The following DNAJC3 variants were observed in gnomAD, a reference collection of about 807,000 sequenced individuals.
DNAJC3 encodes DnaJ heat shock protein family (Hsp40) member C3.
DNAJC3 carries 38 observed loss-of-function variants against 68.6 expected under a neutral mutation model. The observed-to-expected ratio is 0.55, with a 90% CI of 0.43 to 0.73. The LOEUF (loss-of-function observed/expected upper bound fraction) is 0.73. Among genes scored for constraint, DNAJC3 ranks in the 30% least tolerant of loss-of-function variants. The pLI is 0.00. For missense variants in DNAJC3, 526 were observed against 591.9 expected, an observed-to-expected ratio of 0.89 and a Z score of 1.16; for synonymous variants, 203 against 204.0, an observed-to-expected ratio of 1.00 and a Z score of 0.04.
intron 1 of DNAJC3, among the ~76,000 whole-genome samples, chr13:95,678,869 C>T (rs368624263): frequency 6.6e-6 from 1 of 152,022 alleles, no homozygotes; most frequent in East Asian, 1.9e-4. Context: ...ATAAGAAAAC[C>T]ACATTTGAGA....
At chr13:95,711,501 A>AT (rs1404703201) in intron 2 of DNAJC3, among the ~76,000 whole-genome samples, 1 of 142,932 alleles carries the variant, frequency 7.0e-6, no homozygotes, top group Non-Finnish European at 1.5e-5. Context: ...CCATCTCAAA[A>AT]TTAAAAAAAC....
chr13:95,779,838 T>C (rs1012801423), intron 9 of DNAJC3, among the ~76,000 whole-genome samples: 43 of 152,336 alleles, frequency 2.8e-4, no homozygotes, highest in African/African-American at 9.6e-4. Context: ...GCTTTGGCTA[T>C]GTTTTTCTGA....
chr13:95,713,058 G>C (rs1258488426), intron 2 of DNAJC3, among the ~76,000 whole-genome samples: 1 of 152,026 alleles, frequency 6.6e-6, no homozygotes, highest in African/African-American at 2.4e-5. Flanking sequence ...TGTGTCTGCT[G>C]CCCCTTCTGC....
chr13:95,691,623 C>T (rs1466170531), intron 1 of DNAJC3, among the ~76,000 whole-genome samples: 3 of 152,264 alleles, frequency 2.0e-5, no homozygotes, highest in Admixed American at 6.5e-5. Context: ...GGCGGCCAGG[C>T]GGAGACGCTC....
intron 9 of DNAJC3, among the ~76,000 whole-genome samples, chr13:95,779,307 G>A (rs1487460907): frequency 6.6e-6 from 1 of 151,598 alleles, no homozygotes; most frequent in African/African-American, 2.4e-5. Flanking sequence ...CTATTTTTTA[G>A]TAGAGACGGG....
intron 1 of DNAJC3, among the ~76,000 whole-genome samples, chr13:95,681,368 C>T (rs1302077100): frequency 7.9e-5 from 12 of 151,818 alleles, no homozygotes; most frequent in South Asian, 2.1e-4. Context: ...AATTTTTTTT[C>T]GAGACAAGGT....
chr13:95,727,207 C>T (rs1381269299), intron 4 of DNAJC3, among the ~76,000 whole-genome samples: 18 of 147,898 alleles, frequency 1.2e-4, no homozygotes, highest in Non-Finnish European at 1.6e-4. Flanking sequence ...TTTTTTTTTT[C>T]CAATTAAACT....
intron 1 of DNAJC3, among the ~76,000 whole-genome samples, chr13:95,688,927 GGTGTGT>G (rs57546561): frequency 0.019 from 2,506 of 129,670 alleles, 26 homozygotes; most frequent in Middle Eastern, 0.044. Context: ...TGATTGTGTG[GGTGTGT>G]GTGTGTGTGT....
Position 95,677,158 on chromosome 13 carries a change from C to A in DNAJC3, c.-98C>A. ...GGCTCCAGAGCCACTGAGGCCTGAGCGAGAGCCGACGGCGGGCGGGCGCAG... is the reference window on the plus strand; with the variant it reads ...GGCTCCAGAGCCACTGAGGCCTGAGAGAGAGCCGACGGCGGGCGGGCGCAG... On this transcript the variant is annotated 5_prime_UTR_variant, in exon 1 of 12. Coordinates refer to ENST00000602402, the MANE Select transcript of DNAJC3 (RefSeq NM_006260.5). 2 of 1,146,170 alleles carry A rather than the reference C, an allele frequency of 1.7e-6. No individual in the cohort carries two copies. The highest frequency in any genetic ancestry group is 1.5e-5 in the South Asian group (1 of 67,996). 71.0% of individuals were successfully genotyped at this position (1,146,170 alleles called of 1,614,324 possible).
chr13:95,788,175 G>GA (rs1774117923), intron 11 of DNAJC3, among the ~76,000 whole-genome samples: 1 of 152,124 alleles, frequency 6.6e-6, no homozygotes, highest in Non-Finnish European at 1.5e-5. Context: ...TCCAGTAAAG[G>GA]AGACAGAAAT....
At chr13:95,735,851 T>C (rs1251607293) in intron 4 of DNAJC3, among the ~76,000 whole-genome samples, 1 of 152,220 alleles carries the variant, frequency 6.6e-6, no homozygotes, top group Non-Finnish European at 1.5e-5. Context: ...CAATTTTGTC[T>C]TTTGTTGCCA....
At chr13:95,748,456 T>A (rs546999137) in intron 4 of DNAJC3, among the ~76,000 whole-genome samples, 1 of 152,332 alleles carries the variant, frequency 6.6e-6, no homozygotes, top group African/African-American at 2.4e-5. Flanking sequence ...ATCATTTTTT[T>A]TCCATCTTTA....
rs942688510 is a variant in DNAJC3, at chr13:95,740,842, G to A, written c.393+15590G>A. On this transcript the variant is annotated intron_variant, in intron 4 of 11. Coordinates refer to ENST00000602402, the MANE Select transcript of DNAJC3 (RefSeq NM_006260.5). Reference sequence around the variant, plus strand: ...CGGCCATCTTGGCTCCTCCCCTGAAGCTCTTAAGTGTATTTTAAAATTTCA... The same window carrying A: ...CGGCCATCTTGGCTCCTCCCCTGAAACTCTTAAGTGTATTTTAAAATTTCA... 3.8e-4 allele frequency among the ~76,000 whole-genome samples: 57 copies of A among 151,736 alleles called. 1 individual carries two copies. The highest frequency in any genetic ancestry group is 2.9e-5 in the Non-Finnish European group (2 of 67,882).
chr13:95,714,340 G>T (rs1048599719), intron 2 of DNAJC3, among the ~76,000 whole-genome samples: 2 of 149,890 alleles, frequency 1.3e-5, no homozygotes, highest in African/African-American at 4.9e-5. Context: ...AGCTATGATT[G>T]TGTCACCACA....
chr13:95,716,843 C>T (rs1167243136), intron 2 of DNAJC3, among the ~76,000 whole-genome samples: 3 of 152,106 alleles, frequency 2.0e-5, no homozygotes, highest in Non-Finnish European at 2.9e-5. Context: ...GTATGGGGTG[C>T]GTGGCTGGCC....
At chr13:95,715,271 T>C (rs759464783) in intron 2 of DNAJC3, among the ~76,000 whole-genome samples, 1 of 152,148 alleles carries the variant, frequency 6.6e-6, no homozygotes, top group Non-Finnish European at 1.5e-5. Flanking sequence ...GGCATGGCAG[T>C]GCCCACCTGT....
Position 95,758,925 on chromosome 13 carries a change from G to T in DNAJC3, c.547-1115G>T, listed in dbSNP as rs74106034. ...GTCCAGTAGAATTCATGTTTTACTG[G>T]GTTATTTTGTTTATGCTTTTTTAAG... On this transcript the variant is annotated intron_variant, in intron 5 of 11. Coordinates refer to ENST00000602402, the MANE Select transcript of DNAJC3 (RefSeq NM_006260.5). Among the ~76,000 whole-genome samples the T allele has an allele frequency of 5.8e-3, 879 of 152,172 alleles. 9 individuals are homozygous for T. Among genetic ancestry groups the T allele is most frequent in the African/African-American group, 0.02 (827 of 41,514 alleles).
chr13:95,764,671 T>TACAC, intron 9 of DNAJC3, among the ~76,000 whole-genome samples: 1 of 122,568 alleles, frequency 8.2e-6, no homozygotes, highest in Admixed American at 8.8e-5. Context: ...TATATATATA[T>TACAC]ATATATATAT....
intron 2 of DNAJC3, among the ~76,000 whole-genome samples, chr13:95,709,765 G>A (rs1419391209): frequency 2.7e-5 from 4 of 150,400 alleles, no homozygotes; most frequent in South Asian, 2.1e-4. Context: ...TCAGCCTCCC[G>A]AGTAGCTGGG....
Sources: allele counts gnomAD v4.1 joint callset (sites outside exome capture counted in the v4.1 genomes callset), GRCh38; gene constraint gnomAD v4.1.1; transcripts MANE v1.5; gene names NCBI Gene and HGNC (gene_info 2026-07-23, HGNC 2026-07-21).